The following HGH1 variants were observed in gnomAD, a reference collection of about 807,000 sequenced individuals.
HGH1 encodes the protein HGH1 cochaperone.
A neutral mutation model predicts 31.7 loss-of-function variants in HGH1; 31 were observed. That is an observed-to-expected ratio of 0.98 (90% confidence interval 0.73 to 1.32). HGH1 has a LOEUF of 1.32. HGH1 is among the 40% of genes most tolerant of loss of function. HGH1 has a pLI of 0.00. For missense variants in HGH1, 618 were observed against 594.4 expected (o/e 1.04, Z -0.41); for synonymous variants, 284 against 293.6 (o/e 0.97, Z 0.34).
rs1815125226 is a variant in HGH1, at chr8:144,138,288, A to G, written c.453A>G (p.Ala151=). Residue 151 remains alanine, a synonymous_variant, in exon 1 of 6, where the codon GCA becomes GCG. Transcript: ENST00000347708. ...LMAALAAAEP[A]DSGLERLVRA... Reference sequence around the variant, plus strand: ...CGGCGCTGGCGGCCGCGGAGCCGGCAGACTCGGGCCTGGAGCGGCTGGTGC... The same window carrying G: ...CGGCGCTGGCGGCCGCGGAGCCGGCGGACTCGGGCCTGGAGCGGCTGGTGC... The G allele has an allele frequency of 1.9e-5, 29 of 1,492,766 alleles. No homozygotes were observed. The highest frequency in any genetic ancestry group is 4.7e-5 in the Admixed American group (2 of 42,712). 92.5% of individuals were successfully genotyped at this position (1,492,766 alleles called of 1,614,324 possible).
At position 144,137,806 on chromosome 8, in the gene HGH1, C is replaced by T. The variant is rs1466401963; in HGVS notation, c.-30C>T. The T allele has an allele frequency of 2.1e-5, 26 of 1,238,618 alleles. No individual in the cohort carries two copies. The highest frequency in any genetic ancestry group is 1.0e-4 in the South Asian group (3 of 28,598). The allele number at this position is 1,238,618 out of a possible 1,614,324, so 76.7% of individuals were successfully genotyped here. A position where few individuals can be genotyped will look rare whatever the true frequency, so the allele number is the denominator to read the frequency against. ...GGACCCCTAAGCGGACCGCTGGCACCGGTCGGGTGGCAGCAGAGTGTCGCT... is the reference window on the plus strand; with the variant it reads ...GGACCCCTAAGCGGACCGCTGGCACTGGTCGGGTGGCAGCAGAGTGTCGCT... On this transcript the variant is annotated 5_prime_UTR_variant, in exon 1 of 6. Coordinates refer to ENST00000347708, the MANE Select transcript of HGH1 (RefSeq NM_016458.4).
Position 144,137,888 on chromosome 8 carries a change from C to T in HGH1, c.53C>T (p.Pro18Leu). ...AGASGGPEAS[P>L]EAEVVKLLPF... The stretch of plus-strand genomic sequence containing the variant: ...GCCTCGGGAGGGCCGGAGGCAAGCC[C>T]GGAGGCAGAGGTGGTGAAGCTGCTG... The change falls in exon 1 of 6, where the codon CCG becomes CTG. Residue 18 changes from proline (P) to leucine (L), a missense_variant. Pro to Leu is a moderately conservative substitution (Grantham distance 98). Transcript: ENST00000347708. 7.7e-7 allele frequency: 1 copy of T among 1,305,722 alleles called. No homozygotes were observed. The highest frequency in any genetic ancestry group is 4.1e-5 in the Admixed American group (1 of 24,406). The allele number at this position is 1,305,722 out of a possible 1,614,324, so 80.9% of individuals were successfully genotyped here.
At position 144,139,222 on chromosome 8, in the gene HGH1, C is replaced by A; in HGVS notation, c.919C>A (p.Arg307=). Residue 307 remains arginine (R), a synonymous_variant, in exon 5 of 6, where the codon CGG becomes AGG. Coordinates refer to ENST00000347708, the MANE Select transcript of HGH1 (RefSeq NM_016458.4). ...CACAGCACCAGGTCGGCAGCAGGTG[C>A]GGGACCAGGGAGCCTACCTGATCCT... is the stretch of plus-strand genomic sequence containing the variant. ...TATAPGRQQV[R]DQGAYLILRE... is the part of the protein sequence containing the mutation. 1 of 1,613,970 alleles carries A rather than the reference C, an allele frequency of 6.2e-7. No individual in the cohort carries two copies. The highest frequency in any genetic ancestry group is 1.1e-5 in the South Asian group (1 of 91,072).
In HGH1 at chr8:144,137,871, A is replaced by G; in HGVS notation, c.36A>G (p.Gly12=). 7.7e-7 allele frequency: 1 copy of G among 1,295,510 alleles called. No homozygotes were observed. Among genetic ancestry groups the G allele is most frequent in the Non-Finnish European group, 9.8e-7 (1 of 1,024,596 alleles). The allele number at this position is 1,295,510 out of a possible 1,614,324, so 80.3% of individuals were successfully genotyped here. A position where few individuals can be genotyped will look rare whatever the true frequency, so the allele number is the denominator to read the frequency against. ...GEAGAGAGAS[G]GPEASPEAEV... is the part of the protein sequence containing the mutation. ...CCGGGGCTGGCGCTGGCGCCTCGGG[A>G]GGGCCGGAGGCAAGCCCGGAGGCAG... The change falls in exon 1 of 6, where the codon GGA becomes GGG. Residue 12 remains glycine (G), a synonymous_variant. Coordinates refer to ENST00000347708, the MANE Select transcript of HGH1 (RefSeq NM_016458.4).
Position 144,138,118 on chromosome 8 carries a change from C to CA in HGH1, c.284dup (p.His95GlnfsTer147). On this transcript the variant is annotated frameshift_variant, in exon 1 of 6. Transcript: ENST00000347708. LOFTEE classifies it high-confidence loss of function. Reference sequence around the variant, plus strand: ...GAACTTGGCCGCCGACCCCGGCCTGCACGAGACATTGCTGGCGGCCGACCC... The same window carrying CA: ...GAACTTGGCCGCCGACCCCGGCCTGCAACGAGACATTGCTGGCGGCCGACCC... 1.5e-6 allele frequency: 2 copies of CA among 1,330,486 alleles called. No homozygotes were observed. Among genetic ancestry groups the CA allele is most frequent in the Non-Finnish European group, 1.9e-6 (2 of 1,038,422 alleles). 82.4% of individuals were successfully genotyped at this position (1,330,486 alleles called of 1,614,324 possible). A position where few individuals can be genotyped will look rare whatever the true frequency, so the allele number is the denominator to read the frequency against.
At position 144,138,521 on chromosome 8, in the gene HGH1, G is replaced by T. The variant is rs1379179431; in HGVS notation, c.608G>T (p.Arg203Leu). 3 of 1,610,592 alleles carry T rather than the reference G, an allele frequency of 1.9e-6. No individual in the cohort carries two copies. The highest frequency in any genetic ancestry group is 2.5e-6 in the Non-Finnish European group (3 of 1,179,062). ...CCTCCCAACAGGTGCGTGGTCCAGC[G>T]GCTGCTGCCCCTTACCCAGTACCCC... The part of the protein sequence containing the change: ...LLDPDRCVVQ[R>L]LLPLTQYPDS... The change falls in exon 2 of 6, where the codon CGG (arginine) becomes CTG (leucine). Residue 203 changes from arginine to leucine, a missense_variant. Physicochemically the swap from Arg to Leu is moderately radical, Grantham distance 102. Transcript: ENST00000347708.
chr8:144,140,005 C>T lies in HGH1; in HGVS notation c.*453C>T, dbSNP rs1408094732. On this transcript the variant is annotated 3_prime_UTR_variant, in exon 6 of 6. Coordinates refer to ENST00000347708, the MANE Select transcript of HGH1 (RefSeq NM_016458.4). ...TTTGTCAGCCTCACTCCCTGCAGCT[C>T]TCAGCTCCCTGTTCCCTGAGACCTG... is the stretch of plus-strand genomic sequence containing the variant. 3 of 259,240 alleles carry T rather than the reference C, an allele frequency of 1.2e-5. No individual in the cohort carries two copies. Among genetic ancestry groups the T allele is most frequent in the Non-Finnish European group, 2.3e-5 (3 of 133,222 alleles). The allele number at this position is 259,240 out of a possible 1,614,324, so 16.1% of individuals were successfully genotyped here.
Position 144,138,166 on chromosome 8 carries a change from G to A in HGH1, c.331G>A (p.Gly111Ser). 7.6e-7 allele frequency: 1 copy of A among 1,312,706 alleles called. No homozygotes were observed. Among genetic ancestry groups the A allele is most frequent in the Non-Finnish European group, 9.7e-7 (1 of 1,035,356 alleles). 81.3% of individuals were successfully genotyped at this position (1,312,706 alleles called of 1,614,324 possible). A position where few individuals can be genotyped will look rare whatever the true frequency, so the allele number is the denominator to read the frequency against. ...CCCCGGGCTGCCAGCGCGCCTGATG[G>A]GCCGCGCGTTGGACCCGCAGTGGCC... The part of the protein sequence containing the change: ...ADPGLPARLM[G>S]RALDPQWPWA... Residue 111 changes from glycine (G) to serine (S), a missense_variant, in exon 1 of 6, where the codon GGC (glycine) becomes AGC (serine). Physicochemically the swap from Gly to Ser is moderately conservative, Grantham distance 56. Transcript: ENST00000347708.
At chr8:144,138,656 C>G in intron 2 of HGH1, 49 bp downstream of exon 2, 6 of 1,606,960 alleles carry the variant, frequency 3.7e-6, no homozygotes, top group Non-Finnish European at 5.1e-6. Flanking sequence ...GGGGACTGGA[C>G]TCCGGGGCTG....
In HGH1 at chr8:144,138,077, C is replaced by T; in HGVS notation, c.242C>T (p.Ala81Val). 24 of 1,319,472 alleles carry T rather than the reference C, an allele frequency of 1.8e-5. No individual in the cohort carries two copies. The highest frequency in any genetic ancestry group is 2.3e-5 in the Non-Finnish European group (24 of 1,029,028). 81.7% of individuals were successfully genotyped at this position (1,319,472 alleles called of 1,614,324 possible). The change falls in exon 1 of 6, where the codon GCC becomes GTC. Residue 81 changes from alanine to valine, a missense_variant. Ala to Val is a moderately conservative substitution (Grantham distance 64). Coordinates refer to ENST00000347708, the MANE Select transcript of HGH1 (RefSeq NM_016458.4). Reference protein sequence around the residue: ...LAPASAPARDAARALVNLAAD... With the variant: ...LAPASAPARDVARALVNLAAD... ...CCGGCCTCTGCCCCGGCCCGGGACG[C>T]CGCCCGCGCGCTCGTGAACTTGGCC...
rs1257886517 is a variant in HGH1, at chr8:144,137,815, G to A, written c.-21G>A. 4 of 1,245,542 alleles carry A rather than the reference G, an allele frequency of 3.2e-6. No homozygotes were observed. The African/African-American group carries it at 6.2e-5, about 19-fold the overall frequency. 77.2% of individuals were successfully genotyped at this position (1,245,542 alleles called of 1,614,324 possible). A position where few individuals can be genotyped will look rare whatever the true frequency, so the allele number is the denominator to read the frequency against. On this transcript the variant is annotated 5_prime_UTR_variant, in exon 1 of 6. Coordinates refer to ENST00000347708, the MANE Select transcript of HGH1 (RefSeq NM_016458.4). ...AGCGGACCGCTGGCACCGGTCGGGT[G>A]GCAGCAGAGTGTCGCTCGACATGGG... is the stretch of plus-strand genomic sequence containing the variant.
In HGH1 at chr8:144,140,459, C is replaced by T. The variant is rs2130183164; in HGVS notation, c.*907C>T. ...GTCATGGTGGCTCTTGCCACACTTCCCTTCCTGAGCTGACCTGACCTCACT... is the reference window on the plus strand; with the variant it reads ...GTCATGGTGGCTCTTGCCACACTTCTCTTCCTGAGCTGACCTGACCTCACT... On this transcript the variant is annotated 3_prime_UTR_variant, in exon 6 of 6. Transcript: ENST00000347708. 6.5e-6 allele frequency: 1 copy of T among 152,678 alleles called. No homozygotes were observed. Among genetic ancestry groups the T allele is most frequent in the Admixed American group, 6.5e-5 (1 of 15,308 alleles). The allele number at this position is 152,678 out of a possible 1,614,324, so 9.5% of individuals were successfully genotyped here. A position where few individuals can be genotyped will look rare whatever the true frequency, so the allele number is the denominator to read the frequency against.
rs989372553 is a variant in HGH1 at position 144,137,833 on chromosome 8, G to C, written c.-3G>C. 944 of 1,270,602 alleles carry C rather than the reference G, an allele frequency of 7.4e-4. 9 individuals are homozygous for C. The African/African-American group carries it at 0.013, about 18-fold the overall frequency. 78.7% of individuals were successfully genotyped at this position (1,270,602 alleles called of 1,614,324 possible). ...GTCGGGTGGCAGCAGAGTGTCGCTC[G>C]ACATGGGGGAGGCCGGGGCTGGCGC... On this transcript the variant is annotated 5_prime_UTR_variant, in exon 1 of 6. Coordinates refer to ENST00000347708, the MANE Select transcript of HGH1 (RefSeq NM_016458.4).
chr8:144,138,445 C>T lies in HGH1; in HGVS notation c.593+17C>T. 1.9e-6 allele frequency: 3 copies of T among 1,587,226 alleles called. No homozygotes were observed. Among genetic ancestry groups the T allele is most frequent in the South Asian group, 1.1e-5 (1 of 89,102 alleles). Reference sequence around the variant, plus strand: ...CCCCGACAGGTGAAGCCCAGGGCGCCCGCGCGGGCGGGGAGGGGACGGAAG... The same window carrying T: ...CCCCGACAGGTGAAGCCCAGGGCGCTCGCGCGGGCGGGGAGGGGACGGAAG... On this transcript the variant is annotated intron_variant, in intron 1 of 5. Coordinates refer to ENST00000347708, the MANE Select transcript of HGH1 (RefSeq NM_016458.4).
Position 144,138,411 on chromosome 8 carries a change from C to A in HGH1, c.576C>A (p.Phe192Leu). ...NLSQRPAARA[F>L]LLDPDRCVVQ... is the part of the protein sequence containing the mutation. ...GCCAACGCCCTGCGGCGCGGGCCTT[C>A]CTACTGGACCCCGACAGGTGAAGCC... Residue 192 changes from phenylalanine to leucine, a missense_variant, in exon 1 of 6, where the codon TTC (phenylalanine) becomes TTA (leucine). Coordinates refer to ENST00000347708, the MANE Select transcript of HGH1 (RefSeq NM_016458.4). 1 of 1,588,598 alleles carries A rather than the reference C, an allele frequency of 6.3e-7. No homozygotes were observed.
rs910575364 is a variant in HGH1 at position 144,138,295 on chromosome 8, G to A, written c.460G>A (p.Gly154Ser). The A allele has an allele frequency of 2.3e-4, 353 of 1,528,072 alleles. No individual in the cohort carries two copies. Among genetic ancestry groups the A allele is most frequent in the Non-Finnish European group, 2.9e-4 (335 of 1,144,052 alleles). 94.7% of individuals were successfully genotyped at this position (1,528,072 alleles called of 1,614,324 possible). Residue 154 changes from glycine to serine, a missense_variant, in exon 1 of 6, where the codon GGC (glycine) becomes AGC (serine). Coordinates refer to ENST00000347708, the MANE Select transcript of HGH1 (RefSeq NM_016458.4). ...GGCGGCCGCGGAGCCGGCAGACTCG[G>A]GCCTGGAGCGGCTGGTGCGCGCGCT... Reference protein sequence around the residue: ...ALAAAEPADSGLERLVRALCT... With the variant: ...ALAAAEPADSSLERLVRALCT...
Position 144,137,857 on chromosome 8 carries a change from G to T in HGH1, c.22G>T (p.Ala8Ser). 7.7e-7 allele frequency: 1 copy of T among 1,293,876 alleles called. No individual in the cohort carries two copies. The highest frequency in any genetic ancestry group is 9.8e-7 in the Non-Finnish European group (1 of 1,023,224). 80.1% of individuals were successfully genotyped at this position (1,293,876 alleles called of 1,614,324 possible). ...CGACATGGGGGAGGCCGGGGCTGGC[G>T]CTGGCGCCTCGGGAGGGCCGGAGGC... The part of the protein sequence containing the change: MGEAGAG[A>S]GASGGPEASP... Residue 8 changes from alanine to serine, a missense_variant, in exon 1 of 6, where the codon GCT (alanine) becomes TCT (serine). Ala to Ser is a moderately conservative substitution (Grantham distance 99). Transcript: ENST00000347708.
In HGH1 at chr8:144,140,057, G is replaced by A. The variant is rs1815166908; in HGVS notation, c.*505G>A. On this transcript the variant is annotated 3_prime_UTR_variant, in exon 6 of 6. Coordinates refer to ENST00000347708, the MANE Select transcript of HGH1 (RefSeq NM_016458.4). ...CCTCAAAGGGCTGACCCAGCCATAC[G>A]TAGATCCTGGGGTCTTTCTAGGACT... 3 of 223,418 alleles carry A rather than the reference G, an allele frequency of 1.3e-5. No homozygotes were observed. Among genetic ancestry groups the A allele is most frequent in the East Asian group, 1.1e-4 (1 of 8,836 alleles). The allele number at this position is 223,418 out of a possible 1,614,324, so 13.8% of individuals were successfully genotyped here. A position where few individuals can be genotyped will look rare whatever the true frequency, so the allele number is the denominator to read the frequency against.
Position 144,139,685 on chromosome 8 carries a change from C to A in HGH1, c.*133C>A. On this transcript the variant is annotated 3_prime_UTR_variant, in exon 6 of 6. Coordinates refer to ENST00000347708, the MANE Select transcript of HGH1 (RefSeq NM_016458.4). ...TGTGCTCTTCTGAGAAGCAGAGCTACGCTTAGGCTCCAGTAAGGATTGGAG... is the reference window on the plus strand; with the variant it reads ...TGTGCTCTTCTGAGAAGCAGAGCTAAGCTTAGGCTCCAGTAAGGATTGGAG... 1.5e-6 allele frequency: 2 copies of A among 1,299,602 alleles called. No homozygotes were observed. The highest frequency in any genetic ancestry group is 2.1e-6 in the Non-Finnish European group (2 of 953,036). 80.5% of individuals were successfully genotyped at this position (1,299,602 alleles called of 1,614,324 possible).
Sources: gnomAD v4.1 joint callset for allele counts on GRCh38, gnomAD v4.1.1 for gene constraint, MANE v1.5 for transcripts, NCBI Gene and HGNC (gene_info 2026-07-23, HGNC 2026-07-21) for gene names.